CEP112: variants seen among roughly 807,000 people sequenced by gnomAD.
The protein encoded by CEP112 is centrosomal protein of 112 kDa.
CEP112 carries 127 observed loss-of-function variants against 153.0 expected under a neutral mutation model. The ratio of observed to expected loss-of-function variants is 0.83; its 90% CI spans 0.72 to 0.96. The LOEUF is 0.96. Among genes scored for constraint, CEP112 ranks in the 40% least tolerant of loss-of-function variants. CEP112 has a pLI of 0.00. For synonymous variants in CEP112, 358 were observed against 374.4 expected (o/e 0.96, Z 0.51); for missense variants, 1,089 against 1,101.2 (o/e 0.99, Z 0.16).
At position 66,098,466 on chromosome 17, in the gene CEP112, T is replaced by C. The variant is rs182779724; in HGVS notation, c.643-1834A>G. 2.4e-3 allele frequency among the ~76,000 whole-genome samples: 361 copies of C among 152,306 alleles called. 2 individuals are homozygous for C. The highest frequency in any genetic ancestry group is 2.0e-3 in the Non-Finnish European group (136 of 68,026). On this transcript the variant is annotated intron_variant, in intron 6 of 26. Transcript: ENST00000535342. The stretch of plus-strand genomic sequence containing the variant: ...AACGATTTATTACGGTTAATAACTC[T>C]TGAAAATGAACAATCCATACCCAAT...
chr17:65,968,748 T>A (rs1364951996), intron 17 of CEP112, among the ~76,000 whole-genome samples: 3 of 152,176 alleles, frequency 2.0e-5, no homozygotes, highest in Non-Finnish European at 4.4e-5. Context: ...TTGCTCAAGT[T>A]CACATAAAAG....
At chr17:66,040,621 G>A (rs561971329) in intron 12 of CEP112, among the ~76,000 whole-genome samples, 2 of 150,362 alleles carry the variant, frequency 1.3e-5, no homozygotes, top group African/African-American at 2.4e-5. Flanking sequence ...TCAGCCTCCC[G>A]AGTAGCTGGC....
intron 21 of CEP112, among the ~76,000 whole-genome samples, chr17:65,825,483 C>A (rs897949854): frequency 1.3e-5 from 2 of 152,076 alleles, no homozygotes; most frequent in Non-Finnish European, 2.9e-5. Context: ...GGGACCCCTG[C>A]CCTAGAGCAT....
At chr17:65,993,099 AC>A (rs2063656579) in intron 17 of CEP112, among the ~76,000 whole-genome samples, 1 of 150,994 alleles carries the variant, frequency 6.6e-6, no homozygotes, top group Non-Finnish European at 1.5e-5. Context: ...CCCCCACCTC[AC>A]CCCCTAACAG....
chr17:65,891,383 G>T (rs988130414), intron 20 of CEP112, among the ~76,000 whole-genome samples: 1 of 152,154 alleles, frequency 6.6e-6, no homozygotes, highest in Non-Finnish European at 1.5e-5. Flanking sequence ...CCCTCTGGAT[G>T]TTTAACATGC....
intron 21 of CEP112, among the ~76,000 whole-genome samples, chr17:65,754,658 T>C (rs1458582187): frequency 6.7e-6 from 1 of 149,252 alleles, no homozygotes; most frequent in African/African-American, 2.6e-5. Flanking sequence ...CAATACAGTG[T>C]AGAGGTCAGT....
At chr17:66,035,262 C>T (rs1430252546) in intron 12 of CEP112, among the ~76,000 whole-genome samples, 1 of 151,966 alleles carries the variant, frequency 6.6e-6, no homozygotes, top group African/African-American at 2.4e-5. Context: ...AGGAGCAGAA[C>T]TATGAGAGGA....
At chr17:66,100,519 A>C (rs140642944) in intron 6 of CEP112, among the ~76,000 whole-genome samples, 1 of 152,170 alleles carries the variant, frequency 6.6e-6, no homozygotes, top group East Asian at 1.9e-4. Context: ...CTGACATAAA[A>C]ACGTGTTTAA....
chr17:65,949,662 A>C, intron 18 of CEP112, among the ~76,000 whole-genome samples: 1 of 152,234 alleles, frequency 6.6e-6, no homozygotes, highest in Admixed American at 6.5e-5. Context: ...GCAGAATTGA[A>C]GAAGTAAGAT....
chr17:65,902,268 T>C lies in CEP112; in HGVS notation c.2047A>G (p.Lys683Glu), dbSNP rs2059897577. Residue 683 changes from lysine (K) to glutamate (E), a missense_variant, in exon 20 of 27, where the codon AAG becomes GAG. Coordinates refer to ENST00000535342, the MANE Select transcript of CEP112 (RefSeq NM_001199165.4). ...TCATGGTCTCGGACTAGGCTATCCT[T>C]CTCTGCGTTATGCTGCTGTAATAGG... ...THLLQQHNAE[K>E]DSLVRDHERE... is the part of the protein sequence containing the mutation. 1 of 1,613,974 alleles carries C rather than the reference T, an allele frequency of 6.2e-7. No homozygotes were observed. Among genetic ancestry groups the C allele is most frequent in the African/African-American group, 1.3e-5 (1 of 74,914 alleles).
intron 21 of CEP112, among the ~76,000 whole-genome samples, chr17:65,769,654 CACAGTGAGGAA>C (rs957276721): frequency 1.3e-5 from 2 of 151,960 alleles, no homozygotes; most frequent in African/African-American, 2.4e-5. Flanking sequence ...AACAAGAAAA[CACAGTGAGGAA>C]AAGATAGTTT....
chr17:66,128,400 A>G (rs899020936), intron 6 of CEP112, among the ~76,000 whole-genome samples: 6 of 152,216 alleles, frequency 3.9e-5, no homozygotes, highest in African/African-American at 1.4e-4. Flanking sequence ...CTCATATCCA[A>G]TAGAACTTTC....
chr17:66,068,557 G>T (rs2146067213), intron 9 of CEP112, among the ~76,000 whole-genome samples: 1 of 152,286 alleles, frequency 6.6e-6, no homozygotes, highest in African/African-American at 2.4e-5. Flanking sequence ...CTTAGAAAAT[G>T]CCAGACAAGA....
At chr17:66,040,578 G>C (rs2065931231) in intron 12 of CEP112, among the ~76,000 whole-genome samples, 2 of 149,276 alleles carry the variant, frequency 1.3e-5, no homozygotes, top group South Asian at 4.2e-4. Context: ...CTCACTGCAG[G>C]CTCCACCTAC....
chr17:65,970,015 G>C (rs1208055106), intron 17 of CEP112, among the ~76,000 whole-genome samples: 1 of 152,038 alleles, frequency 6.6e-6, no homozygotes, highest in Admixed American at 6.5e-5. Context: ...CATGTGTATT[G>C]CGAACATGCA....
chr17:65,672,311 G>A (rs576477759), intron 24 of CEP112, among the ~76,000 whole-genome samples: 5 of 152,100 alleles, frequency 3.3e-5, no homozygotes, highest in Admixed American at 2.6e-4. Context: ...ACTCAATATC[G>A]CAAAGATGTC....
chr17:65,834,764 C>T (rs1023616457), intron 21 of CEP112, among the ~76,000 whole-genome samples: 1 of 152,088 alleles, frequency 6.6e-6, no homozygotes, highest in Non-Finnish European at 1.5e-5. Flanking sequence ...TAAATTAGTT[C>T]AACCATTGTG....
intron 24 of CEP112, among the ~76,000 whole-genome samples, chr17:65,649,980 T>C (rs2045653007): frequency 1.3e-5 from 2 of 152,186 alleles, no homozygotes; most frequent in African/African-American, 4.8e-5. Context: ...TCAAAATTAA[T>C]ATCCTGTATA....
chr17:66,082,225 G>T (rs1377389652), intron 8 of CEP112, among the ~76,000 whole-genome samples: 1 of 152,004 alleles, frequency 6.6e-6, no homozygotes. Flanking sequence ...CCTTTCTTCA[G>T]ATTACTAAAA....
Sources: gnomAD v4.1 joint callset for allele counts (sites outside exome capture counted in the v4.1 genomes callset) on GRCh38, gnomAD v4.1.1 for gene constraint, MANE v1.5 for transcripts, NCBI Gene and HGNC (gene_info 2026-07-23, HGNC 2026-07-21) for gene names.